The following TAX1BP1 variants were observed in gnomAD, a reference collection of about 807,000 sequenced individuals.
TAX1BP1 encodes the protein Tax1 binding protein 1, also known as tax1-binding protein 1.
Under a neutral mutation model 97.7 loss-of-function variants are expected in TAX1BP1, and 62 were observed. That is an observed-to-expected ratio of 0.63 (90% CI 0.52 to 0.78). TAX1BP1 has a LOEUF of 0.78. Ranked by LOEUF, TAX1BP1 falls within the 30% of genes least tolerant of loss-of-function variation. TAX1BP1 has a pLI of 0.00. For missense variants in TAX1BP1, 867 were observed against 916.1 expected (o/e 0.95, Z 0.69); for synonymous variants, 340 against 304.2 (o/e 1.12, Z -1.23).
chr7:27,809,300 A>C (rs1291458389), intron 13 of TAX1BP1, among the ~76,000 whole-genome samples: 1 of 152,256 alleles, frequency 6.6e-6, no homozygotes, highest in Non-Finnish European at 1.5e-5. Context: ...ATGTAATATG[A>C]AACAAATCTG....
intron 13 of TAX1BP1, among the ~76,000 whole-genome samples, chr7:27,813,941 A>C (rs529209158): frequency 5.3e-5 from 8 of 152,266 alleles, no homozygotes; most frequent in South Asian, 4.1e-4. Context: ...CTTAATGGTC[A>C]GTAAGTCCTC....
intron 15 of TAX1BP1, among the ~76,000 whole-genome samples, chr7:27,822,523 A>G (rs1349116241): frequency 1.3e-5 from 2 of 151,296 alleles, no homozygotes; most frequent in Non-Finnish European, 2.9e-5. Context: ...CACTTACTCC[A>G]CATCCTCAGC....
Position 27,828,991 on chromosome 7 carries a change from G to A in TAX1BP1, c.*162G>A, listed in dbSNP as rs559692834. The A allele has an allele frequency of 7.1e-6, 4 of 561,196 alleles. No homozygotes were observed. The Admixed American group carries it at 1.0e-4, about 14-fold the overall frequency. 34.8% of individuals were successfully genotyped at this position (561,196 alleles called of 1,614,324 possible). On this transcript the variant is annotated 3_prime_UTR_variant, in exon 17 of 17. Coordinates refer to ENST00000396319, the MANE Select transcript of TAX1BP1 (RefSeq NM_006024.7). ...TTGAGTTTGGTGTTACTAGGATCAG[G>A]GTCAGTCTTTGGCTTATCAATAAAT... is the stretch of plus-strand genomic sequence containing the variant.
In TAX1BP1 at chr7:27,787,003, ATTGT is replaced by A. The variant is rs1789512086; in HGVS notation, c.853-411_853-408del. Among the ~76,000 whole-genome samples, 4 of 152,248 alleles carry A rather than the reference ATTGT, an allele frequency of 2.6e-5. No homozygotes were observed. The South Asian group carries it at 8.3e-4, about 31-fold the overall frequency. On this transcript the variant is annotated intron_variant, in intron 7 of 16. Transcript: ENST00000396319. ...GTACTTTTCGCCTGCAGAAAATGGA[ATTGT>A]TTGAGATGTTGTTTTTGAATGCACC...
Position 27,828,852 on chromosome 7 carries a change from A to G in TAX1BP1, c.*23A>G, listed in dbSNP as rs1331809248. 2.5e-5 allele frequency: 29 copies of G among 1,177,348 alleles called. No individual in the cohort carries two copies. The highest frequency in any genetic ancestry group is 3.4e-5 in the Non-Finnish European group (28 of 817,556). 72.9% of individuals were successfully genotyped at this position (1,177,348 alleles called of 1,614,324 possible). Reference sequence around the variant, plus strand: ...TAGTTACTTTTTATTATGAGTTAATATAGTTTAGCAGTAAAAAAAAAAAAA... The same window carrying G: ...TAGTTACTTTTTATTATGAGTTAATGTAGTTTAGCAGTAAAAAAAAAAAAA... On this transcript the variant is annotated 3_prime_UTR_variant, in exon 17 of 17. Transcript: ENST00000396319.
rs2237343 is a variant in TAX1BP1, at chr7:27,774,445, A to C, written c.612+4611A>C. On this transcript the variant is annotated intron_variant, in intron 5 of 16. Transcript: ENST00000396319. ...CTAGGTGTTTTTGTTACTATATTAC[A>C]ATGGCTTATAATAACAGATACAAGT... is the stretch of plus-strand genomic sequence containing the variant. Among the ~76,000 whole-genome samples, 5 of 152,090 alleles carry C rather than the reference A, an allele frequency of 3.3e-5. No homozygotes were observed. The East Asian group carries it at 9.6e-4, about 29-fold the overall frequency.
At chr7:27,767,507 C>T (rs1463595657) in intron 4 of TAX1BP1, among the ~76,000 whole-genome samples, 1 of 152,050 alleles carries the variant, frequency 6.6e-6, no homozygotes, top group East Asian at 1.9e-4. Flanking sequence ...CCTCTCTTAT[C>T]TTAAAGAAAT....
chr7:27,787,360 T>A, intron 7 of TAX1BP1, 58 bp from the exon 8 acceptor site: 1 of 1,416,116 alleles, frequency 7.1e-7, no homozygotes, highest in Non-Finnish European at 9.5e-7. Context: ...ATTTTAAACT[T>A]TGACTAACTT....
chr7:27,754,303 T>G (rs1254200033), intron 2 of TAX1BP1, among the ~76,000 whole-genome samples: 3 of 151,344 alleles, frequency 2.0e-5, no homozygotes, highest in Admixed American at 6.6e-5. Flanking sequence ...TGCCTTGGTC[T>G]CCCCTTCAGT....
At chr7:27,748,343 C>T (rs962064923) in intron 1 of TAX1BP1, among the ~76,000 whole-genome samples, 175 bp from the exon 2 acceptor site, 4 of 151,994 alleles carry the variant, frequency 2.6e-5, no homozygotes, top group African/African-American at 9.7e-5. Flanking sequence ...TCCAGTTTGT[C>T]TGTATTTTTA....
At chr7:27,807,877 C>T (rs996623001) in intron 13 of TAX1BP1, among the ~76,000 whole-genome samples, 6 of 151,998 alleles carry the variant, frequency 3.9e-5, no homozygotes, top group Admixed American at 2.6e-4. Flanking sequence ...CATGGATTCC[C>T]GTTTTAGTCA....
At chr7:27,764,862 T>G (rs1055748427) in intron 3 of TAX1BP1, among the ~76,000 whole-genome samples, 1 of 150,854 alleles carries the variant, frequency 6.6e-6, no homozygotes, top group Non-Finnish European at 1.5e-5. Context: ...GTTTCAGCTT[T>G]AGCCATTTGG....
chr7:27,802,191 C>A (rs1790164508), intron 13 of TAX1BP1, among the ~76,000 whole-genome samples: 1 of 152,130 alleles, frequency 6.6e-6, no homozygotes, highest in South Asian at 2.1e-4. Context: ...AATTTCGGTG[C>A]TAGTTCTGTT....
intron 2 of TAX1BP1, among the ~76,000 whole-genome samples, chr7:27,756,033 A>G (rs1788198438): frequency 1.3e-5 from 2 of 152,198 alleles, no homozygotes; most frequent in Admixed American, 1.3e-4. Flanking sequence ...AGCATTGAGC[A>G]GCAAGTTCTA....
intron 3 of TAX1BP1, among the ~76,000 whole-genome samples, chr7:27,764,978 T>G (rs1339014435): frequency 1.5e-4 from 1 of 6,560 alleles, no homozygotes; most frequent in Non-Finnish European, 3.0e-4. Context: ...AGAATTTCTC[T>G]TATCTTATAG....
chr7:27,758,500 A>G (rs1788308035), intron 3 of TAX1BP1: 1 of 156,464 alleles, frequency 6.4e-6, no homozygotes, highest in East Asian at 1.8e-4. Context: ...AACCACAAAC[A>G]TGATTAACAG....
chr7:27,750,129 A>G (rs17155774), intron 2 of TAX1BP1, among the ~76,000 whole-genome samples: 6,350 of 152,196 alleles, frequency 0.042, 418 homozygotes, highest in African/African-American at 0.14. Context: ...TACTGGTATC[A>G]AGTTAAAGAT....
chr7:27,819,680 A>G (rs1790903951), intron 15 of TAX1BP1, among the ~76,000 whole-genome samples: 1 of 152,180 alleles, frequency 6.6e-6, no homozygotes, highest in Non-Finnish European at 1.5e-5. Context: ...TTCAGCTTAC[A>G]GTGGGTTCAT....
chr7:27,746,556 C>G (rs1356663062), intron 1 of TAX1BP1, among the ~76,000 whole-genome samples: 1 of 152,008 alleles, frequency 6.6e-6, no homozygotes, highest in Non-Finnish European at 1.5e-5. Flanking sequence ...TTATTTTAGG[C>G]AGAGTTCTCC....
Sources: gnomAD v4.1 joint callset for allele counts (sites outside exome capture counted in the v4.1 genomes callset) on GRCh38, gnomAD v4.1.1 for gene constraint, MANE v1.5 for transcripts, NCBI Gene and HGNC (gene_info 2026-07-23, HGNC 2026-07-21) for gene names.